RAPGEF5: variants seen among roughly 807,000 people sequenced by gnomAD.
RAPGEF5 encodes Rap guanine nucleotide exchange factor 5, also known as M-Ras-regulated GEF.
Under a neutral mutation model 125.2 loss-of-function variants are expected in RAPGEF5, and 65 were observed. That is an observed-to-expected ratio of 0.52 (90% CI 0.43 to 0.64). The LOEUF (loss-of-function observed/expected upper bound fraction) is 0.64, where lower values mean the gene tolerates loss of function less well. RAPGEF5 is among the 30% of genes least tolerant of loss of function. The probability of loss-of-function intolerance (pLI) is 0.00; values close to 1 mark genes in which losing one functional copy is unlikely to be tolerated. For missense variants in RAPGEF5, 958 were observed against 1,048.1 expected, an observed-to-expected ratio of 0.91 and a Z score of 1.19; for synonymous variants, 391 against 385.9, an observed-to-expected ratio of 1.01 and a Z score of -0.16.
intron 1 of RAPGEF5, among the ~76,000 whole-genome samples, chr7:22,332,994 G>A (rs1427845289): frequency 6.6e-6 from 1 of 152,174 alleles, no homozygotes; most frequent in Non-Finnish European, 1.5e-5. Context: ...ACAAACATAT[G>A]TGTGTAGGTA....
At chr7:22,208,634 C>T (rs1263371916) in intron 9 of RAPGEF5, among the ~76,000 whole-genome samples, 1 of 152,188 alleles carries the variant, frequency 6.6e-6, no homozygotes, top group Non-Finnish European at 1.5e-5. Flanking sequence ...TTCCACAGGC[C>T]TGTGCTGCCC....
At chr7:22,149,069 T>C (rs1783535620) in intron 18 of RAPGEF5, among the ~76,000 whole-genome samples, 1 of 152,126 alleles carries the variant, frequency 6.6e-6, no homozygotes, top group African/African-American at 2.4e-5. Context: ...AACATATAAT[T>C]GCATTTAAAA....
In RAPGEF5 at chr7:22,136,178, A is replaced by T; in HGVS notation, c.2329-53T>A. On this transcript the variant is annotated intron_variant, in intron 22 of 25. Coordinates refer to ENST00000665637, the MANE Select transcript of RAPGEF5 (RefSeq NM_012294.5). The stretch of plus-strand genomic sequence containing the variant: ...AAAGAAAAATCAATGTGCTATAGAA[A>T]CAATTCTAAATCCACCTTTGCTACA... The T allele has an allele frequency of 2.3e-6, 3 of 1,328,116 alleles. No individual in the cohort carries two copies. The East Asian group carries it at 6.9e-5, about 31-fold the overall frequency. 82.3% of individuals were successfully genotyped at this position (1,328,116 alleles called of 1,614,324 possible).
intron 1 of RAPGEF5, among the ~76,000 whole-genome samples, chr7:22,339,325 G>A (rs1784084182): frequency 6.6e-6 from 1 of 152,212 alleles, no homozygotes; most frequent in African/African-American, 2.4e-5. Flanking sequence ...TCTTTCTTCT[G>A]AGGAGGCAAG....
At chr7:22,271,132 G>T (rs545234917) in intron 6 of RAPGEF5, among the ~76,000 whole-genome samples, 1 of 152,134 alleles carries the variant, frequency 6.6e-6, no homozygotes, top group African/African-American at 2.4e-5. Context: ...TTTTCATCTA[G>T]TTCAGCAGTT....
intron 9 of RAPGEF5, among the ~76,000 whole-genome samples, chr7:22,212,039 T>TCAC (rs1785520510): frequency 6.9e-6 from 1 of 144,672 alleles, no homozygotes; most frequent in East Asian, 2.1e-4. Flanking sequence ...CAATCTCGGC[T>TCAC]CACCACAAGC....
At chr7:22,170,964 C>T (rs889938237) in intron 11 of RAPGEF5, among the ~76,000 whole-genome samples, 1 of 151,692 alleles carries the variant, frequency 6.6e-6, no homozygotes, top group East Asian at 1.9e-4. Context: ...TATTTAACTA[C>T]TATATTGTTC....
At chr7:22,314,799 G>A in intron 3 of RAPGEF5, 1 of 238,742 alleles carries the variant, frequency 4.2e-6, no homozygotes, top group Non-Finnish European at 6.8e-6. Flanking sequence ...ATGAAAACAT[G>A]CACATCAAGT....
At chr7:22,303,882 C>T (rs1204967122) in intron 5 of RAPGEF5, among the ~76,000 whole-genome samples, 1 of 152,086 alleles carries the variant, frequency 6.6e-6, no homozygotes, top group Non-Finnish European at 1.5e-5. Flanking sequence ...CCCTTGAGGG[C>T]TGGGTAGAAT....
At chr7:22,232,777 C>A (rs1212949958) in intron 7 of RAPGEF5, among the ~76,000 whole-genome samples, 2 of 152,214 alleles carry the variant, frequency 1.3e-5, no homozygotes, top group Non-Finnish European at 2.9e-5. Flanking sequence ...CAAATGCTAA[C>A]TGGCATGAAC....
chr7:22,232,075 C>G (rs576287350), intron 7 of RAPGEF5, among the ~76,000 whole-genome samples: 1 of 152,208 alleles, frequency 6.6e-6, no homozygotes, highest in African/African-American at 2.4e-5. Context: ...ACATGGAACA[C>G]TGGAGCTATA....
intron 7 of RAPGEF5, among the ~76,000 whole-genome samples, chr7:22,245,823 G>A (rs185459654): frequency 1.3e-5 from 2 of 152,206 alleles, no homozygotes; most frequent in East Asian, 1.9e-4. Flanking sequence ...TCACTGATAC[G>A]ATTCTATACC....
intron 7 of RAPGEF5, among the ~76,000 whole-genome samples, chr7:22,243,666 T>G (rs1786398982): frequency 6.6e-6 from 1 of 152,212 alleles, no homozygotes; most frequent in South Asian, 2.1e-4. Context: ...ATAGGATGCT[T>G]TGATGTATGC....
intron 3 of RAPGEF5, 44 bp from the exon 4 acceptor site, chr7:22,310,134 C>A (rs1269252140): frequency 1.4e-6 from 2 of 1,450,420 alleles, no homozygotes; most frequent in Non-Finnish European, 1.8e-6. Context: ...TTGCTGACAT[C>A]CGTTTGCCAA....
intron 1 of RAPGEF5, among the ~76,000 whole-genome samples, chr7:22,334,054 A>T (rs1348567744): frequency 6.6e-6 from 1 of 152,232 alleles, no homozygotes; most frequent in Non-Finnish European, 1.5e-5. Flanking sequence ...CTAATGAGAG[A>T]GCTGCTGAAT....
Position 22,219,916 on chromosome 7 carries a change from T to C in RAPGEF5, c.946A>G (p.Asn316Asp), listed in dbSNP as rs1353383745. 1 of 1,613,508 alleles carries C rather than the reference T, an allele frequency of 6.2e-7. No individual in the cohort carries two copies. Among genetic ancestry groups the C allele is most frequent in the Non-Finnish European group, 8.5e-7 (1 of 1,179,570 alleles). Residue 316 changes from asparagine (N) to aspartate (D), a missense_variant, in exon 9 of 26, where the codon AAC (asparagine) becomes GAC (aspartate). By Grantham distance (23) the Asn-to-Asp change is conservative (BLOSUM62 1). Transcript: ENST00000665637. ...TTGTCCGTCTGCAAAAACTGATAGT[T>C]TTCTTTTGCCAGCTTCTGGACTAGT... is the stretch of plus-strand genomic sequence containing the variant. Reference protein sequence around the residue: ...IELVQKLAKENYQFLQTDKKE... With the variant: ...IELVQKLAKEDYQFLQTDKKE...
chr7:22,343,298 C>T (rs908379194), intron 1 of RAPGEF5, among the ~76,000 whole-genome samples: 1 of 152,180 alleles, frequency 6.6e-6, no homozygotes, highest in Non-Finnish European at 1.5e-5. Context: ...GTTCCTCCTA[C>T]AACACATGGT....
intron 7 of RAPGEF5, among the ~76,000 whole-genome samples, chr7:22,234,040 A>T (rs1786125217): frequency 6.6e-6 from 1 of 152,182 alleles, no homozygotes; most frequent in African/African-American, 2.4e-5. Context: ...AGACAGCGTA[A>T]ATAACATTAT....
intron 7 of RAPGEF5, among the ~76,000 whole-genome samples, chr7:22,259,711 A>C (rs752984760): frequency 2.1e-4 from 32 of 152,364 alleles, no homozygotes; most frequent in Non-Finnish European, 3.4e-4. Flanking sequence ...GCATATTACT[A>C]AGTGAAAGAA....
Sources: allele counts gnomAD v4.1 joint callset (sites outside exome capture counted in the v4.1 genomes callset), GRCh38; gene constraint gnomAD v4.1.1; transcripts MANE v1.5; gene names NCBI Gene and HGNC (gene_info 2026-07-23, HGNC 2026-07-21).